The following CARMIL3 variants were observed in gnomAD, a reference collection of about 807,000 sequenced individuals.
The protein encoded by CARMIL3 is capping protein regulator and myosin 1 linker 3.
CARMIL3 carries 88 observed loss-of-function variants against 180.8 expected under a neutral mutation model. The ratio of observed to expected loss-of-function variants is 0.49; its 90% confidence interval spans 0.41 to 0.58. The LOEUF is 0.58. Among genes scored for constraint, CARMIL3 ranks in the 20% least tolerant of loss-of-function variants. The pLI, the probability that CARMIL3 is intolerant of heterozygous loss-of-function variation, is 0.00. For synonymous variants in CARMIL3, 696 were observed against 714.5 expected (o/e 0.97, Z 0.41); for missense variants, 1,548 against 1,787.0 (o/e 0.87, Z 2.41).
At position 24,061,575 on chromosome 14, in the gene CARMIL3, A is replaced by ATGC. The variant is rs1211084823; in HGVS notation, c.2386_2388dup (p.Leu796dup). 1.2e-6 allele frequency: 2 copies of ATGC among 1,614,040 alleles called. No individual in the cohort carries two copies. The highest frequency in any genetic ancestry group is 1.7e-6 in the Non-Finnish European group (2 of 1,180,000). Reference sequence around the variant, plus strand: ...GCGGGTGGCCGAGGGACACAACAAGATGCTGAGCAATGTGGCGGAGCGTGT... The same window carrying ATGC: ...GCGGGTGGCCGAGGGACACAACAAGATGCTGCTGAGCAATGTGGCGGAGCGTGT... On this transcript the variant is annotated inframe_insertion, in exon 27 of 40. Transcript: ENST00000342740. This position sits in a 1 kb window ranked among gnomAD's most constrained non-coding sequence, Gnocchi z 4.1.
rs1165536972 is a variant in CARMIL3, at chr14:24,056,301, A to T, written c.773A>T (p.Asp258Val). The change falls in exon 11 of 40, where the codon GAC becomes GTC. Residue 258 changes from aspartate to valine, a missense_variant and splice_region_variant. Asp to Val is a radical substitution (Grantham distance 152). Transcript: ENST00000342740. ...ATCCTTCCTCCCCTTCCCTGAAGGG[A>T]CTTTGTCCAGAAGCTGGCCGGGGTG... ...LVLDNAGLKT[D>V]FVQKLAGVFG... 3 of 1,613,450 alleles carry T rather than the reference A, an allele frequency of 1.9e-6. No homozygotes were observed. In the African/African-American group the frequency reaches 4.0e-5, roughly 22 times the overall value.
At chr14:24,060,781 C>G in intron 25 of CARMIL3, 25 bp downstream of exon 25, 1 of 1,608,552 alleles carries the variant, frequency 6.2e-7, no homozygotes, top group Admixed American at 1.7e-5. Context: ...GGCTACCCTT[C>G]CCCTGAAGTC....
Position 24,054,577 on chromosome 14 carries a change from C to A in CARMIL3, c.362+66C>A, listed in dbSNP as rs2035653413. On this transcript the variant is annotated intron_variant, in intron 5 of 39. Transcript: ENST00000342740. This position sits in a 1 kb window ranked among gnomAD's most constrained non-coding sequence, Gnocchi z 5.1. Reference sequence around the variant, plus strand: ...AGGGAGAGTTCATCCCTTCCTCCTTCCCCTGGGCCAGGGCTGAGAAGGAGA... The same window carrying A: ...AGGGAGAGTTCATCCCTTCCTCCTTACCCTGGGCCAGGGCTGAGAAGGAGA... The A allele has an allele frequency of 6.5e-7, 1 of 1,545,974 alleles. No individual in the cohort carries two copies. Among genetic ancestry groups the A allele is most frequent in the African/African-American group, 1.4e-5 (1 of 73,622 alleles).
chr14:24,064,935 T>C, intron 32 of CARMIL3, 23 bp from the exon 33 acceptor site: 2 of 1,603,864 alleles, frequency 1.2e-6, no homozygotes, highest in Non-Finnish European at 1.7e-6. Flanking sequence ...CATTTGTTGC[T>C]AACTTACCCC....
chr14:24,056,701 C>A lies in CARMIL3; in HGVS notation c.945C>A (p.Ser315=). 6.2e-7 allele frequency: 1 copy of A among 1,613,058 alleles called. No individual in the cohort carries two copies. The highest frequency in any genetic ancestry group is 8.5e-7 in the Non-Finnish European group (1 of 1,180,008). Residue 315 remains serine, a synonymous_variant, in exon 12 of 40, where the codon TCC becomes TCA. Transcript: ENST00000342740. Reference sequence around the variant, plus strand: ...TGTGCCTGGCCAAGACTGCCATTTCCCCTCGAGGTACTCGCACCAAGGACC... The same window carrying A: ...TGTGCCTGGCCAAGACTGCCATTTCACCTCGAGGTACTCGCACCAAGGACC... ...TKLCLAKTAI[S]PRGLQALGQT...
Position 24,059,979 on chromosome 14 carries a change from G to C in CARMIL3, c.1878G>C (p.Thr626=). ...DIARALESNH[T]LRFMSFPVSD... is the part of the protein sequence containing the mutation. ...CCCCTGTGTCCCACAGCAACCACAC[G>C]CTGCGCTTCATGTCCTTCCCCGTGA... Residue 626 remains threonine, a synonymous_variant, in exon 23 of 40, where the codon ACG becomes ACC. Coordinates refer to ENST00000342740, the MANE Select transcript of CARMIL3 (RefSeq NM_138360.4). The surrounding 1 kb of genome is among the most constrained non-coding windows in gnomAD (Gnocchi z 6.3). The C allele has an allele frequency of 1.2e-6, 2 of 1,613,894 alleles. No homozygotes were observed. Among genetic ancestry groups the C allele is most frequent in the East Asian group, 4.5e-5 (2 of 44,876 alleles).
chr14:24,063,564 C>T (rs1212540128), intron 31 of CARMIL3, 31 bp downstream of exon 31: 8 of 1,572,680 alleles, frequency 5.1e-6, no homozygotes, highest in Non-Finnish European at 6.9e-6. Flanking sequence ...AAGAGGATCC[C>T]CTTCACTCAG....
intron 24 of CARMIL3, 76 bp downstream of exon 24, chr14:24,060,331 G>C (rs890685064): frequency 5.3e-6 from 8 of 1,516,082 alleles, no homozygotes; most frequent in African/African-American, 1.4e-5. Context: ...AAAATTGAGT[G>C]GGGGAGCATG....
At chr14:24,062,389 T>C (rs1594552126) in intron 27 of CARMIL3, 91 bp from the exon 28 acceptor site, 8 of 1,185,526 alleles carry the variant, frequency 6.7e-6, no homozygotes, top group Non-Finnish European at 8.9e-6. Context: ...CAGCTGGCCG[T>C]TCTCTCAGGC....
intron 31 of CARMIL3, among the ~76,000 whole-genome samples, chr14:24,063,986 C>T (rs1432340760): frequency 2.7e-5 from 4 of 150,648 alleles, no homozygotes; most frequent in African/African-American, 4.9e-5. Flanking sequence ...CCCAGCTACT[C>T]GGGAGGCTGA....
chr14:24,065,241 G>A lies in CARMIL3; in HGVS notation c.3364G>A (p.Gly1122Arg), dbSNP rs974332502. 1.3e-6 allele frequency: 2 copies of A among 1,549,388 alleles called. No individual in the cohort carries two copies. Among genetic ancestry groups the A allele is most frequent in the South Asian group, 2.6e-5 (2 of 78,148 alleles). The change falls in exon 33 of 40, where the codon GGG becomes AGG. Residue 1122 changes from glycine (G) to arginine (R), a missense_variant. By Grantham distance (125) the Gly-to-Arg change is moderately radical. Around this residue, in one of 4 missense-constraint regions of CARMIL3, gnomAD observed 668 missense variants for 687.8 expected, o/e 0.97. Coordinates refer to ENST00000342740, the MANE Select transcript of CARMIL3 (RefSeq NM_138360.4). Reference protein sequence around the residue: ...EESSLLPGFGGGRGPSFRRKM... With the variant: ...EESSLLPGFGRGRGPSFRRKM... ...GAGCAGCCTCCTCCCTGGATTTGGTGGGGGCCGGGGACCTTCCTTCCGCCG... is the reference window on the plus strand; with the variant it reads ...GAGCAGCCTCCTCCCTGGATTTGGTAGGGGCCGGGGACCTTCCTTCCGCCG...
Position 24,069,455 on chromosome 14 carries a change from C to G in CARMIL3, c.*51C>G. The G allele has an allele frequency of 5.6e-6, 9 of 1,612,678 alleles. No homozygotes were observed. Among genetic ancestry groups the G allele is most frequent in the Non-Finnish European group, 6.8e-6 (8 of 1,179,022 alleles). On this transcript the variant is annotated 3_prime_UTR_variant, in exon 40 of 40. Coordinates refer to ENST00000342740, the MANE Select transcript of CARMIL3 (RefSeq NM_138360.4). ...CCTCGACATGTGCCTCGCAAGGACT[C>G]AGACCCCTATCCACCCCCAGTCCCC...
chr14:24,055,186 G>A (rs1397143922), intron 7 of CARMIL3, 50 bp downstream of exon 7: 1 of 1,613,842 alleles, frequency 6.2e-7, no homozygotes, highest in African/African-American at 1.3e-5. Context: ...TGGAGGGAAG[G>A]GGCTAAGAAG....
At position 24,056,287 on chromosome 14, in the gene CARMIL3, C is replaced by T. The variant is rs1352204105; in HGVS notation, c.771-12C>T. 1.2e-6 allele frequency: 2 copies of T among 1,610,828 alleles called. No individual in the cohort carries two copies. Among genetic ancestry groups the T allele is most frequent in the Admixed American group, 3.3e-5 (2 of 59,864 alleles). On this transcript the variant is annotated splice_polypyrimidine_tract_variant and intron_variant, in intron 10 of 39. Coordinates refer to ENST00000342740, the MANE Select transcript of CARMIL3 (RefSeq NM_138360.4). Reference sequence around the variant, plus strand: ...TCAGCTCAGGACAAATCCTTCCTCCCCTTCCCTGAAGGGACTTTGTCCAGA... The same window carrying T: ...TCAGCTCAGGACAAATCCTTCCTCCTCTTCCCTGAAGGGACTTTGTCCAGA...
chr14:24,064,394 A>G (rs1228634517), intron 32 of CARMIL3, 48 bp downstream of exon 32: 1 of 1,405,082 alleles, frequency 7.1e-7, no homozygotes. Context: ...CCAAGGCCCT[A>G]GAAGGGCTGC....
rs999437764 is a variant in CARMIL3, at chr14:24,058,149, C to T, written c.1323-6C>T. Reference sequence around the variant, plus strand: ...AAAGGAGGGCCTGCTGACCTCCCTCCCACAGGGCGCTGCTTCAGGGCCTCT... The same window carrying T: ...AAAGGAGGGCCTGCTGACCTCCCTCTCACAGGGCGCTGCTTCAGGGCCTCT... On this transcript the variant is annotated splice_region_variant and splice_polypyrimidine_tract_variant and intron_variant, in intron 16 of 39. Transcript: ENST00000342740. This position sits in a 1 kb window ranked among gnomAD's most constrained non-coding sequence, Gnocchi z 6.4. 1.9e-6 allele frequency: 3 copies of T among 1,613,816 alleles called. No individual in the cohort carries two copies. Among genetic ancestry groups the T allele is most frequent in the Non-Finnish European group, 2.5e-6 (3 of 1,179,990 alleles).
intron 2 of CARMIL3, 90 bp downstream of exon 2, chr14:24,053,893 C>A: frequency 7.8e-7 from 1 of 1,274,712 alleles, no homozygotes; most frequent in Non-Finnish European, 1.1e-6. Context: ...ACAGAAGAGA[C>A]AGAAGTGGGT....
In CARMIL3 at chr14:24,063,111, T is replaced by C. The variant is rs368411728; in HGVS notation, c.2707-9T>C. 46 of 1,610,726 alleles carry C rather than the reference T, an allele frequency of 2.9e-5. No homozygotes were observed. Among genetic ancestry groups the C allele is most frequent in the Non-Finnish European group, 3.7e-5 (44 of 1,177,260 alleles). On this transcript the variant is annotated splice_polypyrimidine_tract_variant and intron_variant, in intron 29 of 39. Transcript: ENST00000342740. The stretch of plus-strand genomic sequence containing the variant: ...TGCCTGGCCCTGCCACTCGTCTTCA[T>C]TTCTGCAGGACACCATGGCCATCAA...
chr14:24,058,568 C>A lies in CARMIL3; in HGVS notation c.1393-112C>A. On this transcript the variant is annotated intron_variant, in intron 17 of 39. Coordinates refer to ENST00000342740, the MANE Select transcript of CARMIL3 (RefSeq NM_138360.4). This position sits in a 1 kb window ranked among gnomAD's most constrained non-coding sequence, Gnocchi z 6.4. The stretch of plus-strand genomic sequence containing the variant: ...GGGAAAGAGTCTCCCTGATTTTACA[C>A]CCAGATCCTGGCATGACTTTGAGTT... 1 of 838,546 alleles carries A rather than the reference C, an allele frequency of 1.2e-6. No homozygotes were observed. The highest frequency in any genetic ancestry group is 1.9e-6 in the Non-Finnish European group (1 of 535,998). The allele number at this position is 838,546 out of a possible 1,614,324, so 51.9% of individuals were successfully genotyped here. A position where few individuals can be genotyped will look rare whatever the true frequency, so the allele number is the denominator to read the frequency against.
Sources: allele counts gnomAD v4.1 joint callset (sites outside exome capture counted in the v4.1 genomes callset), GRCh38; gene constraint gnomAD v4.1.1; regional missense constraint gnomAD v4.1.1; non-coding constraint Gnocchi (gnomAD v3.1); transcripts MANE v1.5; gene names NCBI Gene and HGNC (gene_info 2026-07-23, HGNC 2026-07-21).